TBCA: variants seen among roughly 807,000 people sequenced by gnomAD.
The protein encoded by TBCA is tubulin-specific chaperone A.
In TBCA, 6 loss-of-function variants were observed where a neutral mutation model predicts 15.8. The ratio of observed to expected loss-of-function variants is 0.38; its 90% confidence interval spans 0.21 to 0.75. The LOEUF (loss-of-function observed/expected upper bound fraction) is 0.75. Ranked by LOEUF, TBCA falls within the 30% of genes least tolerant of loss-of-function variation. TBCA has a pLI of 0.46. For missense variants in TBCA, 90 were observed against 131.2 expected (o/e 0.69, Z 1.53); for synonymous variants, 32 against 42.3 (o/e 0.76, Z 0.94).
At chr5:77,724,460 T>A (rs1431429744) in intron 1 of TBCA, among the ~76,000 whole-genome samples, 4 of 152,076 alleles carry the variant, frequency 2.6e-5, no homozygotes, top group Admixed American at 2.0e-4. Flanking sequence ...AAAGCAAATA[T>A]TTAAATTTTA....
At chr5:77,693,057 A>C in intron 3 of TBCA, 1 of 1,439,454 alleles carries the variant, frequency 6.9e-7, no homozygotes, top group Admixed American at 2.9e-5. Context: ...TAAACTGAAC[A>C]AACATGCTAG....
intron 1 of TBCA, among the ~76,000 whole-genome samples, chr5:77,737,727 C>A (rs1383027325): frequency 6.6e-6 from 1 of 151,966 alleles, no homozygotes; most frequent in African/African-American, 2.4e-5. Flanking sequence ...TAATTTTTTC[C>A]ACTTATTTAC....
chr5:77,765,881 C>CAAAAAAAAAA, intron 1 of TBCA, among the ~76,000 whole-genome samples: 1 of 130,410 alleles, frequency 7.7e-6, no homozygotes, highest in Non-Finnish European at 1.6e-5. Flanking sequence ...AAACTAGGGC[C>CAAAAAAAAAA]AAAAAAAAAA....
At chr5:77,732,696 A>G (rs1274576964) in intron 1 of TBCA, among the ~76,000 whole-genome samples, 2 of 151,914 alleles carry the variant, frequency 1.3e-5, no homozygotes, top group Non-Finnish European at 2.9e-5. Flanking sequence ...AACCTTGTTC[A>G]CTATTATTAT....
chr5:77,707,761 T>C (rs762462261), intron 2 of TBCA, among the ~76,000 whole-genome samples: 29 of 151,988 alleles, frequency 1.9e-4, no homozygotes, highest in Non-Finnish European at 4.0e-4. Context: ...ATAATTAATA[T>C]AAGATTAGTC....
intron 1 of TBCA, among the ~76,000 whole-genome samples, chr5:77,734,299 C>T (rs950733029): frequency 2.6e-5 from 4 of 152,132 alleles, no homozygotes; most frequent in African/African-American, 9.7e-5. Context: ...CTATTGCTGC[C>T]ATAGACAGTT....
chr5:77,692,616 T>A (rs916181533), intron 3 of TBCA: 1 of 985,406 alleles, frequency 1.0e-6, no homozygotes, highest in Non-Finnish European at 1.2e-6. Flanking sequence ...GCAATTTCTA[T>A]TACTTTCTCA....
chr5:77,692,156 T>G (rs1447703215), intron 3 of TBCA: 3 of 984,668 alleles, frequency 3.0e-6, no homozygotes, highest in Non-Finnish European at 3.6e-6. Flanking sequence ...CAGGAAATTT[T>G]GTTTGATTTT....
intron 2 of TBCA, among the ~76,000 whole-genome samples, chr5:77,700,045 A>AAAG (rs1745974734): frequency 4.7e-5 from 7 of 150,498 alleles, no homozygotes; most frequent in African/African-American, 9.8e-5. Flanking sequence ...AAAAAAAAAA[A>AAAG]AAAAAGAAAA....
chr5:77,716,786 A>G (rs1007797124), intron 1 of TBCA, among the ~76,000 whole-genome samples: 3 of 152,222 alleles, frequency 2.0e-5, no homozygotes, highest in African/African-American at 7.2e-5. Context: ...GTGCCTACCC[A>G]GCAACCATTC....
intron 1 of TBCA, among the ~76,000 whole-genome samples, chr5:77,712,579 AAAAC>A (rs1229497648): frequency 6.6e-6 from 1 of 152,168 alleles, no homozygotes. Flanking sequence ...AAATTATAAA[AAAAC>A]AAAATTTTAA....
intron 1 of TBCA, among the ~76,000 whole-genome samples, chr5:77,768,590 T>C (rs1427632260): frequency 6.6e-6 from 1 of 152,230 alleles, no homozygotes; most frequent in Non-Finnish European, 1.5e-5. Context: ...AAAGGAAGAT[T>C]TCATTCCTTC....
At chr5:77,756,017 A>G (rs371607668) in intron 1 of TBCA, among the ~76,000 whole-genome samples, 1 of 152,110 alleles carries the variant, frequency 6.6e-6, no homozygotes, top group East Asian at 1.9e-4. Context: ...AAAAACAACA[A>G]CAACAAAAAA....
At chr5:77,738,978 T>C (rs1436678082) in intron 1 of TBCA, among the ~76,000 whole-genome samples, 2 of 152,210 alleles carry the variant, frequency 1.3e-5, no homozygotes, top group Non-Finnish European at 2.9e-5. Context: ...ATCAACCCAG[T>C]GGACTGTGAT....
chr5:77,771,985 A>T (rs887099983), intron 1 of TBCA, among the ~76,000 whole-genome samples: 1 of 152,152 alleles, frequency 6.6e-6, no homozygotes, highest in Non-Finnish European at 1.5e-5. Context: ...GTGACTTCCG[A>T]AGATAAATGA....
rs1363619431 is a variant in TBCA, at chr5:77,752,634, C to T, written c.53+23571G>A. Among the ~76,000 whole-genome samples the T allele has an allele frequency of 2.6e-5, 2 of 77,736 alleles. 1 individual carries two copies. Among genetic ancestry groups the T allele is most frequent in the Non-Finnish European group, 5.8e-5 (2 of 34,522 alleles). 51.0% of individuals were successfully genotyped at this position (77,736 alleles called of 152,430 possible). The stretch of plus-strand genomic sequence containing the variant: ...ACTGCAGTGGCGCAATCTCGGCTCA[C>T]TGCAAGCTCCGCTTCCCGGGTTCAC... On this transcript the variant is annotated intron_variant, in intron 1 of 3. Transcript: ENST00000380377.
intron 1 of TBCA, among the ~76,000 whole-genome samples, chr5:77,772,682 A>G (rs558887229): frequency 3.0e-4 from 45 of 152,298 alleles, no homozygotes; most frequent in African/African-American, 9.9e-4. Context: ...ATTTTAATAC[A>G]TAAGTGGGAA....
intron 1 of TBCA, among the ~76,000 whole-genome samples, chr5:77,709,383 A>C (rs929161693): frequency 6.6e-6 from 1 of 152,206 alleles, no homozygotes; most frequent in Non-Finnish European, 1.5e-5. Context: ...ATAATAGCTC[A>C]ATCTTCCCTA....
chr5:77,733,214 G>A (rs2112470869), intron 1 of TBCA, among the ~76,000 whole-genome samples: 1 of 152,286 alleles, frequency 6.6e-6, no homozygotes, highest in East Asian at 1.9e-4. Flanking sequence ...CCTGGAGGCA[G>A]AGGTTGCAGT....
Sources: allele counts gnomAD v4.1 joint callset (sites outside exome capture counted in the v4.1 genomes callset), GRCh38; gene constraint gnomAD v4.1.1; transcripts MANE v1.5; gene names NCBI Gene and HGNC (gene_info 2026-07-23, HGNC 2026-07-21).